The following LRTM3 variants were observed in gnomAD, a reference collection of about 807,000 sequenced individuals.
The protein encoded by LRTM3 is leucine rich repeat transmembrane protein 3.
the LRTM3 span, chr13:102,734,816 C>T: frequency 6.4e-7 from 1 of 1,551,114 alleles, no homozygotes; most frequent in Non-Finnish European, 8.7e-7. Flanking sequence ...TTCACCTTCA[C>T]ATTCCTGCAC....
chr13:102,729,506 G>C, the LRTM3 span: 1 of 1,466,904 alleles, frequency 6.8e-7, no homozygotes, highest in East Asian at 2.5e-5. Context: ...CAACTTTTTG[G>C]AGGAACTCCA....
the LRTM3 span, chr13:102,729,694 G>A: frequency 5.5e-5 from 86 of 1,551,828 alleles, 1 homozygote; most frequent in African/African-American, 7.9e-4. Context: ...AGTTGATATC[G>A]TCATGATGAG....
chr13:102,742,633 A>G, the LRTM3 span: 1 of 1,550,550 alleles, frequency 6.4e-7, no homozygotes, highest in Non-Finnish European at 8.7e-7. Flanking sequence ...TCTGCTCCTT[A>G]TTATTGCTTA....
chr13:102,736,919 C>G, the LRTM3 span: 1 of 1,551,118 alleles, frequency 6.4e-7, no homozygotes, highest in Non-Finnish European at 8.7e-7. Context: ...AAGAAAAGAT[C>G]TTGTTACTCC....
the LRTM3 span, among the ~76,000 whole-genome samples, chr13:102,754,906 C>G: frequency 2.0e-5 from 3 of 152,118 alleles, no homozygotes; most frequent in Non-Finnish European, 2.9e-5. Context: ...TTTTATCTAT[C>G]AACGATAACT....
chr13:102,747,944 G>A, the LRTM3 span: 1 of 1,551,234 alleles, frequency 6.4e-7, no homozygotes, highest in African/African-American at 1.4e-5. Context: ...TGTCAGCTCT[G>A]AATTTGCCTC....
At chr13:102,747,430 T>C in the LRTM3 span, 1 of 1,548,134 alleles carries the variant, frequency 6.5e-7, no homozygotes, top group South Asian at 1.2e-5. Flanking sequence ...CTTTCATAAT[T>C]ACATATTTGA....
chr13:102,744,915 C>T, the LRTM3 span: 25 of 1,550,512 alleles, frequency 1.6e-5, no homozygotes, highest in Non-Finnish European at 2.2e-5. Flanking sequence ...TGCTGTTCCC[C>T]CATACATTTC....
the LRTM3 span, chr13:102,739,190 A>T: frequency 6.5e-7 from 1 of 1,549,812 alleles, no homozygotes; most frequent in Non-Finnish European, 8.7e-7. Context: ...CATTTTCTCT[A>T]GTTTTTTATT....
chr13:102,739,130 G>T, the LRTM3 span: 3 of 1,550,226 alleles, frequency 1.9e-6, no homozygotes, highest in South Asian at 2.4e-5. Flanking sequence ...AAGAATAGAA[G>T]CACAGAGTTT....
the LRTM3 span, chr13:102,735,646 G>A: frequency 1.3e-6 from 2 of 1,551,146 alleles, no homozygotes; most frequent in Non-Finnish European, 8.7e-7. Context: ...TATCTATTCT[G>A]AGTCCACCTT....
chr13:102,750,222 T>G, the LRTM3 span: 1 of 1,551,442 alleles, frequency 6.4e-7, no homozygotes, highest in Non-Finnish European at 8.7e-7. Flanking sequence ...CTGATTCCAT[T>G]TGAAGATGGC....
At chr13:102,733,497 T>C in the LRTM3 span, 3 of 1,551,344 alleles carry the variant, frequency 1.9e-6, no homozygotes, top group Non-Finnish European at 2.6e-6. Context: ...ATTTTCCTTA[T>C]CAGTGAAACT....
At chr13:102,734,801 C>T in the LRTM3 span, 1 of 1,551,024 alleles carries the variant, frequency 6.4e-7, no homozygotes, top group Non-Finnish European at 8.7e-7. Flanking sequence ...CAGAACCACA[C>T]CTGGTTCACC....
the LRTM3 span, chr13:102,732,383 A>G: frequency 6.4e-7 from 1 of 1,551,376 alleles, no homozygotes; most frequent in Non-Finnish European, 8.7e-7. Flanking sequence ...CATCTGTGGA[A>G]TTGGGTGATT....
the LRTM3 span, among the ~76,000 whole-genome samples, chr13:102,753,866 T>C: frequency 6.6e-6 from 1 of 152,198 alleles, no homozygotes. Context: ...AGTAATCCCA[T>C]TTCTGAGTGA....
At chr13:102,734,861 C>T in the LRTM3 span, 2 of 1,551,034 alleles carry the variant, frequency 1.3e-6, no homozygotes, top group East Asian at 2.4e-5. Context: ...TATTAAGATG[C>T]TTACTATTTG....
chr13:102,735,999 TC>T, the LRTM3 span: 3 of 1,550,074 alleles, frequency 1.9e-6, no homozygotes, highest in Non-Finnish European at 2.6e-6. Context: ...CTCAAATGTA[TC>T]CTTTTGGGGA....
the LRTM3 span, chr13:102,744,340 GT>G: frequency 1.3e-6 from 2 of 1,549,962 alleles, no homozygotes; most frequent in South Asian, 1.2e-5. Flanking sequence ...CTGTTTGTAA[GT>G]TTTTTTGATT....
Sources: allele counts gnomAD v4.1 joint callset (sites outside exome capture counted in the v4.1 genomes callset), GRCh38; gene constraint gnomAD v4.1.1; transcripts MANE v1.5; gene names NCBI Gene and HGNC (gene_info 2026-07-23, HGNC 2026-07-21).